SP1: variants seen among roughly 807,000 people sequenced by gnomAD.
SP1 encodes the protein Sp1 transcription factor, also known as transcription factor Sp1.
In SP1, 6 loss-of-function variants were observed where a neutral mutation model predicts 66.3. That is an observed-to-expected ratio of 0.09 (90% confidence interval 0.05 to 0.18). The LOEUF (loss-of-function observed/expected upper bound fraction) is 0.18. Ranked by LOEUF, SP1 falls within the 10% of genes least tolerant of loss-of-function variation. The probability of loss-of-function intolerance (pLI) is 1.00; values close to 1 mark genes in which losing one functional copy is unlikely to be tolerated. For missense variants in SP1, 848 were observed against 964.5 expected (o/e 0.88, Z 1.60); for synonymous variants, 417 against 360.8 (o/e 1.16, Z -1.77).
chr12:53,390,793 T>A (rs1280800363), intron 3 of SP1, among the ~76,000 whole-genome samples: 1 of 152,216 alleles, frequency 6.6e-6, no homozygotes, highest in Non-Finnish European at 1.5e-5. Flanking sequence ...TTTCTCTTTA[T>A]AAATGACGTC....
At chr12:53,396,341 G>A (rs1198016059) in intron 3 of SP1, among the ~76,000 whole-genome samples, 22 of 151,202 alleles carry the variant, frequency 1.5e-4, no homozygotes, top group African/African-American at 3.2e-4. Context: ...AGGCCGAGAC[G>A]GGTGGATCAT....
intron 3 of SP1, among the ~76,000 whole-genome samples, chr12:53,391,173 A>G (rs1938342338): frequency 6.6e-6 from 1 of 152,110 alleles, no homozygotes; most frequent in Non-Finnish European, 1.5e-5. Context: ...GTGTTACAAT[A>G]GTATTATTAT....
At chr12:53,380,736 TCCCCCCCGC>T in intron 1 of SP1, 2 of 680,084 alleles carry the variant, frequency 2.9e-6, no homozygotes, top group Non-Finnish European at 3.5e-6. Context: ...AGATTTCCCT[TCCCCCCCGC>T]CCCCCACCGT....
In SP1 at chr12:53,411,278, C is replaced by T; in HGVS notation, c.*38C>T. On this transcript the variant is annotated 3_prime_UTR_variant, in exon 6 of 6. Coordinates refer to ENST00000327443, the MANE Select transcript of SP1 (RefSeq NM_138473.3). Reference sequence around the variant, plus strand: ...GGGGCCAGAGACATATGGGCCATACCCCTTAACCCCGGGATGCAAGGTAGC... The same window carrying T: ...GGGGCCAGAGACATATGGGCCATACTCCTTAACCCCGGGATGCAAGGTAGC... 2 of 1,535,810 alleles carry T rather than the reference C, an allele frequency of 1.3e-6. No homozygotes were observed. Among genetic ancestry groups the T allele is most frequent in the Non-Finnish European group, 8.9e-7 (1 of 1,126,492 alleles).
intron 3 of SP1, among the ~76,000 whole-genome samples, chr12:53,404,820 GC>G (rs1938695291): frequency 1.3e-5 from 2 of 151,892 alleles, no homozygotes; most frequent in African/African-American, 4.8e-5. Flanking sequence ...ATAGGCGCAT[GC>G]CACCATGCCC....
chr12:53,399,226 A>G lies in SP1; in HGVS notation c.1676-7359A>G, dbSNP rs566785883. Among the ~76,000 whole-genome samples, 7 of 151,548 alleles carry G rather than the reference A, an allele frequency of 4.6e-5. No homozygotes were observed. The South Asian group carries it at 1.2e-3, about 27-fold the overall frequency. On this transcript the variant is annotated intron_variant, in intron 3 of 5. Transcript: ENST00000327443. ...ACTGTGATGAACATCCTTATCAAAT[A>G]TTTGATTAAACTTTTTTGTTTTTTG... is the stretch of plus-strand genomic sequence containing the variant.
chr12:53,405,357 A>C (rs989078120), intron 3 of SP1, among the ~76,000 whole-genome samples: 2 of 151,978 alleles, frequency 1.3e-5, no homozygotes, highest in Non-Finnish European at 2.9e-5. Context: ...ATTTATCACT[A>C]TTTGTGTATG....
intron 3 of SP1, among the ~76,000 whole-genome samples, chr12:53,403,007 T>C (rs1456064887): frequency 1.3e-5 from 2 of 148,562 alleles, no homozygotes; most frequent in Admixed American, 1.3e-4. Flanking sequence ...CCAGGCACGG[T>C]GGCGGGAGCC....
chr12:53,410,871 TA>T, intron 5 of SP1, 55 bp from the exon 6 acceptor site: 1 of 1,313,740 alleles, frequency 7.6e-7, no homozygotes, highest in Non-Finnish European at 1.1e-6. Flanking sequence ...CTGAATTGGG[TA>T]AGGTAACCTC....
chr12:53,410,472 C>T (rs185454760), intron 5 of SP1, among the ~76,000 whole-genome samples: 1 of 152,098 alleles, frequency 6.6e-6, no homozygotes, highest in East Asian at 1.9e-4. Context: ...TTCTTCCTCA[C>T]GCCCCCGCCA....
intron 3 of SP1, among the ~76,000 whole-genome samples, chr12:53,405,087 G>A (rs1402093836): frequency 6.6e-6 from 1 of 151,744 alleles, no homozygotes; most frequent in East Asian, 1.9e-4. Flanking sequence ...GACCTCAAGT[G>A]ATCCAACCAC....
intron 3 of SP1, among the ~76,000 whole-genome samples, chr12:53,392,115 C>T (rs544636175): frequency 2.0e-5 from 3 of 152,228 alleles, no homozygotes; most frequent in African/African-American, 7.2e-5. Flanking sequence ...ATGTGCATAT[C>T]TAATTTATTA....
rs1460957361 is a variant in SP1 at position 53,406,071 on chromosome 12, T to C, written c.1676-514T>C. On this transcript the variant is annotated intron_variant, in intron 3 of 5. Transcript: ENST00000327443. ...GGCTCTTGGTATTTTCTTTCTTTTT[T>C]TTTTTTTTTTTTTTTTTTGAGACAG... is the stretch of plus-strand genomic sequence containing the variant. Among the ~76,000 whole-genome samples, 59 of 137,676 alleles carry C rather than the reference T, an allele frequency of 4.3e-4. 1 individual carries two copies. The highest frequency in any genetic ancestry group is 1.4e-3 in the African/African-American group (55 of 38,130). 90.3% of individuals were successfully genotyped at this position (137,676 alleles called of 152,430 possible). A position where few individuals can be genotyped will look rare whatever the true frequency, so the allele number is the denominator to read the frequency against.
rs955578005 is a variant in SP1 at position 53,415,998 on chromosome 12, C to T, written c.*4758C>T. The T allele has an allele frequency of 1.3e-5, 2 of 152,662 alleles. No individual in the cohort carries two copies. The highest frequency in any genetic ancestry group is 2.4e-5 in the African/African-American group (1 of 41,444). 9.5% of individuals were successfully genotyped at this position (152,662 alleles called of 1,614,324 possible). ...GGCAGCTGCCCCAGGGCCTGCTTCC[C>T]CTTCCTAAGTCTGTCATCCTCTGGA... On this transcript the variant is annotated 3_prime_UTR_variant, in exon 6 of 6. Coordinates refer to ENST00000327443, the MANE Select transcript of SP1 (RefSeq NM_138473.3).
intron 3 of SP1, among the ~76,000 whole-genome samples, chr12:53,385,126 C>T (rs151226311): frequency 0.017 from 2,642 of 151,310 alleles, 21 homozygotes; most frequent in Non-Finnish European, 0.025. Context: ...GAAACCCCTT[C>T]TCTACTAAAA....
chr12:53,381,737 G>GGGGCAATGA lies in SP1; in HGVS notation c.86_87insGGGCAATGA (p.Gly29_Asn30insGlyAsnAsp). 2.5e-6 allele frequency: 4 copies of GGGGCAATGA among 1,614,188 alleles called. No individual in the cohort carries two copies. Among genetic ancestry groups the GGGGCAATGA allele is most frequent in the Non-Finnish European group, 3.4e-6 (4 of 1,180,010 alleles). On this transcript the variant is annotated inframe_insertion, in exon 2 of 6. Transcript: ENST00000327443. Reference sequence around the variant, plus strand: ...GTTGGTGGCAATAATGGGGGCAATGGTAATGGTGGTGGTGCCTTTTCACAG... The same window carrying GGGGCAATGA: ...GTTGGTGGCAATAATGGGGGCAATGGGGGCAATGATAATGGTGGTGGTGCCTTTTCACAG...
intron 2 of SP1, 134 bp from the exon 3 acceptor site, chr12:53,381,976 A>G: frequency 6.1e-6 from 7 of 1,140,020 alleles, no homozygotes. Flanking sequence ...TTTCAGCAAT[A>G]CAGATAGGTC....
chr12:53,392,087 CTTGT>C (rs1938367322), intron 3 of SP1, among the ~76,000 whole-genome samples: 1 of 152,148 alleles, frequency 6.6e-6, no homozygotes, highest in Non-Finnish European at 1.5e-5. Context: ...GGCAATATGA[CTTGT>C]TTGACAACTT....
chr12:53,407,518 G>A (rs1938771986), intron 4 of SP1, among the ~76,000 whole-genome samples: 2 of 151,788 alleles, frequency 1.3e-5, no homozygotes, highest in South Asian at 2.1e-4. Flanking sequence ...TAGAGACAGG[G>A]TTTCACCTTG....
Sources: gnomAD v4.1 joint callset for allele counts (sites outside exome capture counted in the v4.1 genomes callset) on GRCh38, gnomAD v4.1.1 for gene constraint, MANE v1.5 for transcripts, NCBI Gene and HGNC (gene_info 2026-07-23, HGNC 2026-07-21) for gene names.